The following BZW1 variants were observed in gnomAD, a reference collection of about 807,000 sequenced individuals.
BZW1 encodes the protein basic leucine zipper and W2 domains 1, also known as eIF5-mimic protein 2.
Under a neutral mutation model 54.1 loss-of-function variants are expected in BZW1, and 3 were observed. The ratio of observed to expected loss-of-function variants is 0.06; its 90% CI spans 0.03 to 0.14. BZW1 has a LOEUF of 0.14. Ranked by LOEUF, BZW1 falls within the 10% of genes least tolerant of loss-of-function variation. BZW1 has a pLI of 1.00. For missense variants in BZW1, 206 were observed against 491.7 expected (o/e 0.42, Z 5.50); for synonymous variants, 152 against 162.7 (o/e 0.93, Z 0.50).
At position 200,826,397 on chromosome 2, in the gene BZW1, ATAGATAGATATTTTTTTTTTTTTTT is replaced by A. The variant is rs2038695142; in HGVS notation, c.*4221_*4245del. On this transcript the variant is annotated 3_prime_UTR_variant, in exon 12 of 12. Transcript: ENST00000409600. ...TATAGATAGATAGATAGATAGATAGATAGATAGATATTTTTTTTTTTTTTTTTTTTTTTTTTTTTTTTTTTGAGAC... is the reference window on the plus strand; with the variant it reads ...TATAGATAGATAGATAGATAGATAGATTTTTTTTTTTTTTTTTTTTGAGAC... 3.2e-5 allele frequency: 2 copies of A among 63,404 alleles called. No individual in the cohort carries two copies. The highest frequency in any genetic ancestry group is 1.1e-4 in the African/African-American group (2 of 18,516). 3.9% of individuals were successfully genotyped at this position (63,404 alleles called of 1,614,324 possible). A position where few individuals can be genotyped will look rare whatever the true frequency, so the allele number is the denominator to read the frequency against.
At chr2:200,816,580 C>T (rs1460288157) in intron 5 of BZW1, among the ~76,000 whole-genome samples, 190 bp downstream of exon 5, 2 of 152,180 alleles carry the variant, frequency 1.3e-5, no homozygotes, top group Admixed American at 6.5e-5. Context: ...CAGCCTTTGC[C>T]TCCCGGGTTC....
In BZW1 at chr2:200,825,579, C is replaced by T. The variant is rs2038670505; in HGVS notation, c.*3401C>T. 6.6e-6 allele frequency: 1 copy of T among 152,170 alleles called. No individual in the cohort carries two copies. The highest frequency in any genetic ancestry group is 6.5e-5 in the Admixed American group (1 of 15,268). 9.4% of individuals were successfully genotyped at this position (152,170 alleles called of 1,614,324 possible). A position where few individuals can be genotyped will look rare whatever the true frequency, so the allele number is the denominator to read the frequency against. On this transcript the variant is annotated 3_prime_UTR_variant, in exon 12 of 12. Transcript: ENST00000409600. Reference sequence around the variant, plus strand: ...ACCAGTTGTGCTTTGTTCCTTACCCCACCACAGGCAACAGACAAAGCATTT... The same window carrying T: ...ACCAGTTGTGCTTTGTTCCTTACCCTACCACAGGCAACAGACAAAGCATTT...
At chr2:200,812,583 G>C in intron 1 of BZW1, 1 of 1,400,970 alleles carries the variant, frequency 7.1e-7, no homozygotes, top group Non-Finnish European at 9.3e-7. Context: ...TGGCTCGGGC[G>C]GGAGGCATGG....
chr2:200,826,401 ATAGATATTTTTTTTTTTTTTTTTTT>A lies in BZW1; in HGVS notation c.*4225_*4249del, dbSNP rs1461164263. On this transcript the variant is annotated 3_prime_UTR_variant, in exon 12 of 12. Coordinates refer to ENST00000409600, the MANE Select transcript of BZW1 (RefSeq NM_001207067.2). ...GATAGATAGATAGATAGATAGATAG[ATAGATATTTTTTTTTTTTTTTTTTT>A]TTTTTTTTTTTTTTTTGAGACAGAG... 2.0e-3 allele frequency: 129 copies of A among 65,240 alleles called. No homozygotes were observed. The highest frequency in any genetic ancestry group is 6.2e-3 in the African/African-American group (112 of 18,150). The allele number at this position is 65,240 out of a possible 1,614,324, so 4.0% of individuals were successfully genotyped here.
Position 200,824,785 on chromosome 2 carries a change from C to CCTT in BZW1, c.*2609_*2610insTCT, listed in dbSNP as rs2038648576. 1.3e-5 allele frequency: 2 copies of CCTT among 151,394 alleles called. No homozygotes were observed. Among genetic ancestry groups the CCTT allele is most frequent in the African/African-American group, 4.9e-5 (2 of 41,138 alleles). 9.4% of individuals were successfully genotyped at this position (151,394 alleles called of 1,614,324 possible). On this transcript the variant is annotated 3_prime_UTR_variant, in exon 12 of 12. Transcript: ENST00000409600. ...CTCCCGGGTTCACGCCATTCTCCTG[C>CCTT]CTCAGCCTCCCGAGTAGCTGGGACT...
chr2:200,816,486 C>G (rs2038296530), intron 5 of BZW1, 96 bp downstream of exon 5: 6 of 965,726 alleles, frequency 6.2e-6, no homozygotes, highest in Non-Finnish European at 7.3e-6. Flanking sequence ...AGTAATTTTG[C>G]TTGTTTGTTT....
intron 5 of BZW1, 26 bp downstream of exon 5, chr2:200,816,416 A>T: frequency 6.9e-7 from 1 of 1,454,518 alleles, no homozygotes. Context: ...TACTTTGTGG[A>T]AAAGAAAAAA....
intron 1 of BZW1, chr2:200,812,616 C>A (rs527260669): frequency 1.5e-5 from 20 of 1,338,126 alleles, no homozygotes; most frequent in Non-Finnish European, 1.8e-5. Context: ...TTGGGAGACA[C>A]GTTACCGGGG....
intron 5 of BZW1, 88 bp from the exon 6 acceptor site, chr2:200,817,018 G>A: frequency 6.8e-7 from 1 of 1,468,048 alleles, no homozygotes; most frequent in Non-Finnish European, 9.2e-7. Flanking sequence ...CCCACGTATT[G>A]AACAGGTAGC....
intron 1 of BZW1, chr2:200,812,219 G>T: frequency 8.1e-7 from 1 of 1,227,856 alleles, no homozygotes; most frequent in Non-Finnish European, 1.0e-6. Flanking sequence ...GTGCGCCGCG[G>T]CGCTGGCTGC....
intron 5 of BZW1, 30 bp downstream of exon 5, chr2:200,816,420 GA>G (rs756727801): frequency 3.5e-6 from 5 of 1,412,844 alleles, no homozygotes; most frequent in South Asian, 2.7e-5. Context: ...TTGTGGAAAA[GA>G]AAAAAATAGG....
chr2:200,816,670 T>C (rs2038304074), intron 5 of BZW1, among the ~76,000 whole-genome samples: 1 of 152,152 alleles, frequency 6.6e-6, no homozygotes, highest in African/African-American at 2.4e-5. Flanking sequence ...TTTCTGTTTT[T>C]AGTAGAGACA....
intron 11 of BZW1, 94 bp from the exon 12 acceptor site, chr2:200,822,053 A>AG (rs1262528647): frequency 1.2e-5 from 14 of 1,206,274 alleles, no homozygotes; most frequent in Non-Finnish European, 1.7e-5. Context: ...TGTGGGACAG[A>AG]GGGAGACTCT....
At position 200,818,743 on chromosome 2, in the gene BZW1, A is replaced by T. The variant is rs947944517; in HGVS notation, c.820-12A>T. On this transcript the variant is annotated splice_polypyrimidine_tract_variant and intron_variant, in intron 8 of 11. Coordinates refer to ENST00000409600, the MANE Select transcript of BZW1 (RefSeq NM_001207067.2). ...AACTGACTTCTGTTACTAAATTTGG[A>T]TTCATTTGCAGATAATTTTATATGT... 6.4e-7 allele frequency: 1 copy of T among 1,574,096 alleles called. No individual in the cohort carries two copies.
intron 1 of BZW1, chr2:200,812,450 A>T: frequency 7.5e-7 from 1 of 1,329,102 alleles, no homozygotes; most frequent in Admixed American, 3.4e-5. Flanking sequence ...CGCCTCAGTG[A>T]CTGTGGTCCG....
rs552513765 is a variant in BZW1, at chr2:200,823,541, AATCGCC to A, written c.*1364_*1369del. ...ATAATGCCACCAGAGACTGAGTGGA[AATCGCC>A]CCTTTTGAAGGTGCCATTCTTATGA... is the stretch of plus-strand genomic sequence containing the variant. On this transcript the variant is annotated 3_prime_UTR_variant, in exon 12 of 12. Transcript: ENST00000409600. The A allele has an allele frequency of 1.0e-4, 16 of 152,482 alleles. No individual in the cohort carries two copies. The South Asian group carries it at 3.3e-3, about 32-fold the overall frequency. 9.4% of individuals were successfully genotyped at this position (152,482 alleles called of 1,614,324 possible).
intron 1 of BZW1, chr2:200,812,422 T>A (rs375146954): frequency 1.6e-6 from 2 of 1,283,166 alleles, no homozygotes; most frequent in East Asian, 6.2e-5. Flanking sequence ...ACGGGGCGCC[T>A]GGGGCCCCGG....
chr2:200,813,394 A>G lies in BZW1; in HGVS notation c.64+113A>G, dbSNP rs529475346. On this transcript the variant is annotated intron_variant, in intron 2 of 11. Coordinates refer to ENST00000409600, the MANE Select transcript of BZW1 (RefSeq NM_001207067.2). The stretch of plus-strand genomic sequence containing the variant: ...AAAGCCTCAAAAGAAGATACCAGAA[A>G]GAAACTTGAATTTCTCGTTGACTGC... 356 of 930,268 alleles carry G rather than the reference A, an allele frequency of 3.8e-4. 13 individuals are homozygous for G. In the South Asian group the frequency reaches 5.7e-3, roughly 15 times the overall value. 57.6% of individuals were successfully genotyped at this position (930,268 alleles called of 1,614,324 possible).
At chr2:200,820,486 C>T (rs551597849) in intron 10 of BZW1, among the ~76,000 whole-genome samples, 2 of 152,144 alleles carry the variant, frequency 1.3e-5, no homozygotes, top group Admixed American at 1.3e-4. Context: ...TCAAGACCGG[C>T]CTGGACTGCA....
Sources: allele counts gnomAD v4.1 joint callset (sites outside exome capture counted in the v4.1 genomes callset), GRCh38; gene constraint gnomAD v4.1.1; transcripts MANE v1.5; gene names NCBI Gene and HGNC (gene_info 2026-07-23, HGNC 2026-07-21).